The following IFT80 variants were observed in gnomAD, a reference collection of about 807,000 sequenced individuals.
IFT80 encodes intraflagellar transport protein 80 homolog.
A neutral mutation model predicts 107.9 loss-of-function variants in IFT80; 79 were observed. The ratio of observed to expected loss-of-function variants is 0.73; its 90% confidence interval spans 0.61 to 0.88. The LOEUF (loss-of-function observed/expected upper bound fraction) is 0.88. IFT80 is among the 40% of genes least tolerant of loss of function. The pLI is 0.00. For synonymous variants in IFT80, 299 were observed against 300.9 expected (o/e 0.99, Z 0.07); for missense variants, 797 against 914.2 (o/e 0.87, Z 1.65).
At chr3:160,292,475 CTTTTTTTTT>C (rs142116230) in intron 12 of IFT80, among the ~76,000 whole-genome samples, 1 of 115,362 alleles carries the variant, frequency 8.7e-6, no homozygotes, top group Non-Finnish European at 1.7e-5. Flanking sequence ...AGAGAGATTC[CTTTTTTTTT>C]TTTTTTTTTT....
chr3:160,263,296 A>G (rs1184642212), intron 19 of IFT80, among the ~76,000 whole-genome samples: 1 of 152,080 alleles, frequency 6.6e-6, no homozygotes, highest in Non-Finnish European at 1.5e-5. Context: ...TCCATTTCCT[A>G]ATGGGATTAT....
intron 5 of IFT80, among the ~76,000 whole-genome samples, chr3:160,369,325 T>C (rs896150056): frequency 2.6e-5 from 4 of 151,948 alleles, no homozygotes; most frequent in Admixed American, 2.0e-4. Context: ...TAAATAAGCA[T>C]GGTCAATAGA....
chr3:160,304,476 C>T (rs1385084625), intron 10 of IFT80, among the ~76,000 whole-genome samples: 1 of 148,112 alleles, frequency 6.8e-6, no homozygotes, highest in Non-Finnish European at 1.5e-5. Context: ...CGCTCTGTCG[C>T]CCAGGCTGGA....
intron 9 of IFT80, 21 bp from the exon 10 acceptor site, chr3:160,307,802 T>C (rs757616836): frequency 1.1e-5 from 14 of 1,219,326 alleles, no homozygotes; most frequent in South Asian, 4.8e-5. Flanking sequence ...AAAAATAAAA[T>C]ACCAATAAAC....
At chr3:160,307,871 T>C in intron 9 of IFT80, 90 bp from the exon 10 acceptor site, 1 of 723,582 alleles carries the variant, frequency 1.4e-6, no homozygotes, top group East Asian at 2.7e-5. Context: ...ACACAAAAAA[T>C]TAAATGCACT....
intron 3 of IFT80, among the ~76,000 whole-genome samples, chr3:160,378,459 C>T (rs1382281004): frequency 6.6e-6 from 1 of 151,954 alleles, no homozygotes; most frequent in African/African-American, 2.4e-5. Context: ...AAATACACCC[C>T]ATTGGAATGA....
At chr3:160,368,523 C>A (rs1265473706) in intron 5 of IFT80, among the ~76,000 whole-genome samples, 1 of 151,910 alleles carries the variant, frequency 6.6e-6, no homozygotes, top group Non-Finnish European at 1.5e-5. Context: ...GGTACTCCTC[C>A]TTTTTCTGTA....
intron 1 of IFT80, among the ~76,000 whole-genome samples, chr3:160,394,871 T>C (rs1009331354): frequency 2.0e-5 from 3 of 152,184 alleles, no homozygotes; most frequent in Non-Finnish European, 4.4e-5. Flanking sequence ...TCAATTCCTT[T>C]TGTGAAAAGA....
intron 4 of IFT80, 25 bp from the exon 5 acceptor site, chr3:160,375,905 C>A: frequency 6.9e-7 from 1 of 1,457,214 alleles, no homozygotes; most frequent in South Asian, 1.2e-5. Flanking sequence ...AAAAATTAAT[C>A]AGTATTTTTA....
intron 10 of IFT80, among the ~76,000 whole-genome samples, chr3:160,307,136 A>T (rs1207159496): frequency 1.3e-5 from 2 of 152,166 alleles, no homozygotes; most frequent in South Asian, 4.1e-4. Context: ...TTGTAAGCCA[A>T]CTGTTAAATA....
rs1559957675 is a variant in IFT80, at chr3:160,356,067, TC to T, written c.722del (p.Gly241GlufsTer24). On this transcript the variant is annotated frameshift_variant, in exon 8 of 20. Transcript: ENST00000326448. LOFTEE classifies it high-confidence loss of function. ...PITSVAWAPD[G>X]ELFAVGSFHT... ...GAAACGATCCAACAGCAAATAATTC[TC>T]CATCTGGAGCCCAGGCAACTGAAGT... 6.2e-7 allele frequency: 1 copy of T among 1,614,148 alleles called. No homozygotes were observed. Among genetic ancestry groups the T allele is most frequent in the Non-Finnish European group, 8.5e-7 (1 of 1,179,992 alleles).
At chr3:160,377,215 C>G (rs1342587243) in intron 4 of IFT80, among the ~76,000 whole-genome samples, 2 of 152,092 alleles carry the variant, frequency 1.3e-5, no homozygotes, top group Non-Finnish European at 2.9e-5. Flanking sequence ...ATTCCAAAAG[C>G]CTTCTTTGAC....
chr3:160,334,145 T>C (rs961710629), intron 8 of IFT80, among the ~76,000 whole-genome samples: 1 of 152,186 alleles, frequency 6.6e-6, no homozygotes, highest in Non-Finnish European at 1.5e-5. Flanking sequence ...AGTGACTAGA[T>C]ACTTGATGAT....
chr3:160,389,740 T>C (rs2108417628), intron 1 of IFT80, among the ~76,000 whole-genome samples: 1 of 152,232 alleles, frequency 6.6e-6, no homozygotes. Flanking sequence ...TTGTTGGACA[T>C]TTGGGTTGGT....
intron 8 of IFT80, among the ~76,000 whole-genome samples, chr3:160,350,311 G>A (rs1199907451): frequency 6.6e-6 from 1 of 151,554 alleles, no homozygotes; most frequent in Non-Finnish European, 1.5e-5. Context: ...AGCTACTTGG[G>A]AGGCTGAGGC....
At chr3:160,330,613 C>T (rs1483135787) in intron 8 of IFT80, among the ~76,000 whole-genome samples, 6 of 152,072 alleles carry the variant, frequency 3.9e-5, no homozygotes, top group African/African-American at 1.4e-4. Flanking sequence ...TGGGCCCGAC[C>T]CCAGAGTGTC....
chr3:160,381,258 A>ATATATATATATATATATAT (rs1350192851), intron 3 of IFT80, among the ~76,000 whole-genome samples: 1 of 138,386 alleles, frequency 7.2e-6, no homozygotes, highest in Non-Finnish European at 1.6e-5. Context: ...ATATATATAT[A>ATATATATATATATATATAT]TATATATTAA....
chr3:160,360,844 A>C (rs1277157355), intron 6 of IFT80, among the ~76,000 whole-genome samples: 1 of 152,172 alleles, frequency 6.6e-6, no homozygotes, highest in Non-Finnish European at 1.5e-5. Flanking sequence ...GCCTTACAAG[A>C]GCTCCTGAAG....
chr3:160,330,928 G>A (rs77274279), intron 8 of IFT80, among the ~76,000 whole-genome samples: 35 of 152,274 alleles, frequency 2.3e-4, no homozygotes, highest in East Asian at 5.8e-4. Flanking sequence ...AAGACCCTCA[G>A]TGGAGGCCTG....
Sources: gnomAD v4.1 joint callset for allele counts (sites outside exome capture counted in the v4.1 genomes callset) on GRCh38, gnomAD v4.1.1 for gene constraint, MANE v1.5 for transcripts, NCBI Gene and HGNC (gene_info 2026-07-23, HGNC 2026-07-21) for gene names.